LHFPL6: variants seen among roughly 807,000 people sequenced by gnomAD.
LHFPL6 encodes LHFPL tetraspan subfamily member 6.
In LHFPL6, 9 loss-of-function variants were observed where a neutral mutation model predicts 20.6. The ratio of observed to expected loss-of-function variants is 0.44; its 90% confidence interval spans 0.26 to 0.76. The LOEUF (loss-of-function observed/expected upper bound fraction) is 0.76. Ranked by LOEUF, LHFPL6 falls within the 30% of genes least tolerant of loss-of-function variation. The pLI is 0.20. For missense variants in LHFPL6, 218 were observed against 253.5 expected, an observed-to-expected ratio of 0.86 and a Z score of 0.95; for synonymous variants, 105 against 98.7, an observed-to-expected ratio of 1.06 and a Z score of -0.38.
At chr13:39,544,864 T>C (rs1490549023) in intron 2 of LHFPL6, among the ~76,000 whole-genome samples, 1 of 152,044 alleles carries the variant, frequency 6.6e-6, no homozygotes, top group East Asian at 1.9e-4. Flanking sequence ...ATATAAAGGT[T>C]ATTTAATAAA....
chr13:39,347,621 T>G (rs1382761559), intron 3 of LHFPL6, among the ~76,000 whole-genome samples: 1 of 152,128 alleles, frequency 6.6e-6, no homozygotes, highest in Non-Finnish European at 1.5e-5. Context: ...TTAATACAGA[T>G]AGAATAAGCA....
intron 2 of LHFPL6, among the ~76,000 whole-genome samples, chr13:39,453,247 C>A (rs1160580163): frequency 6.6e-6 from 1 of 152,012 alleles, no homozygotes; most frequent in Non-Finnish European, 1.5e-5. Context: ...TGAAAATAAG[C>A]CTAGTTTATT....
At chr13:39,591,675 A>C (rs1047207976) in intron 2 of LHFPL6, among the ~76,000 whole-genome samples, 2 of 152,068 alleles carry the variant, frequency 1.3e-5, no homozygotes, top group African/African-American at 2.4e-5. Flanking sequence ...ACACGTGGGG[A>C]GTTTGTTCAA....
At chr13:39,349,551 A>G (rs192880820) in intron 3 of LHFPL6, among the ~76,000 whole-genome samples, 1 of 152,334 alleles carries the variant, frequency 6.6e-6, no homozygotes, top group Admixed American at 6.5e-5. Flanking sequence ...CTTTGTTGGG[A>G]ATAATATAAT....
chr13:39,494,738 G>C (rs1181125973), intron 2 of LHFPL6, among the ~76,000 whole-genome samples: 1 of 152,076 alleles, frequency 6.6e-6, no homozygotes, highest in Non-Finnish European at 1.5e-5. Context: ...AAGCTCTATA[G>C]TCATTTAAGA....
At chr13:39,455,914 G>A (rs1872559009) in intron 2 of LHFPL6, among the ~76,000 whole-genome samples, 1 of 152,106 alleles carries the variant, frequency 6.6e-6, no homozygotes, top group Non-Finnish European at 1.5e-5. Context: ...TTATGAATAC[G>A]GAAACACATA....
At chr13:39,562,417 C>CATATATACAT (rs57302247) in intron 2 of LHFPL6, among the ~76,000 whole-genome samples, 1 of 57,900 alleles carries the variant, frequency 1.7e-5, no homozygotes, top group African/African-American at 5.2e-5. Context: ...CACATATACA[C>CATATATACAT]ATATACATAT....
At chr13:39,385,069 A>G (rs1870531924) in intron 2 of LHFPL6, among the ~76,000 whole-genome samples, 1 of 152,216 alleles carries the variant, frequency 6.6e-6, no homozygotes, top group African/African-American at 2.4e-5. Flanking sequence ...AGGGGTCATA[A>G]GTCAATCACA....
chr13:39,580,933 A>T (rs978550452), intron 2 of LHFPL6, among the ~76,000 whole-genome samples: 2 of 152,232 alleles, frequency 1.3e-5, no homozygotes, highest in African/African-American at 4.8e-5. Context: ...ATGTGAACAC[A>T]CGAATAAAGG....
chr13:39,345,333 C>T (rs1328422161), intron 3 of LHFPL6, among the ~76,000 whole-genome samples: 1 of 151,474 alleles, frequency 6.6e-6, no homozygotes, highest in Non-Finnish European at 1.5e-5. Context: ...ACCAACATGG[C>T]AAAACCCCGT....
intron 2 of LHFPL6, among the ~76,000 whole-genome samples, chr13:39,411,894 A>G (rs1037725084): frequency 5.9e-5 from 9 of 152,354 alleles, no homozygotes; most frequent in Non-Finnish European, 1.2e-4. Context: ...CTAGCTAAGG[A>G]ATATGGGAGT....
chr13:39,569,652 G>A (rs183516717), intron 2 of LHFPL6, among the ~76,000 whole-genome samples: 57 of 152,286 alleles, frequency 3.7e-4, no homozygotes, highest in Non-Finnish European at 6.6e-4. Context: ...ATTTTTGTAA[G>A]ATATTTGATG....
intron 2 of LHFPL6, among the ~76,000 whole-genome samples, chr13:39,478,129 G>A (rs1455670046): frequency 6.6e-6 from 1 of 152,192 alleles, no homozygotes; most frequent in African/African-American, 2.4e-5. Flanking sequence ...CTTACTGTGT[G>A]CAGCACTGTT....
chr13:39,595,267 GCTCA>G (rs1006787084), intron 2 of LHFPL6, among the ~76,000 whole-genome samples: 2 of 152,058 alleles, frequency 1.3e-5, no homozygotes, highest in Admixed American at 1.3e-4. Flanking sequence ...TCTCACTGGT[GCTCA>G]CTGTCAGCCG....
intron 2 of LHFPL6, among the ~76,000 whole-genome samples, chr13:39,520,282 T>C (rs1451301028): frequency 6.6e-6 from 1 of 151,930 alleles, no homozygotes; most frequent in Non-Finnish European, 1.5e-5. Context: ...ACGCAGCAGG[T>C]CAAGTCAACC....
At chr13:39,596,968 ACT>A (rs760435716) in intron 2 of LHFPL6, among the ~76,000 whole-genome samples, 2 of 152,164 alleles carry the variant, frequency 1.3e-5, no homozygotes, top group Non-Finnish European at 2.9e-5. Context: ...CAGTAAGGAG[ACT>A]CTGAAAAGGC....
chr13:39,477,318 G>A (rs1168664287), intron 2 of LHFPL6, among the ~76,000 whole-genome samples: 1 of 152,178 alleles, frequency 6.6e-6, no homozygotes, highest in Non-Finnish European at 1.5e-5. Flanking sequence ...TTGGCTGATA[G>A]CACTTTATGC....
At chr13:39,584,060 C>G (rs140418732) in intron 2 of LHFPL6, among the ~76,000 whole-genome samples, 156 of 152,246 alleles carry the variant, frequency 1.0e-3, no homozygotes, top group African/African-American at 3.6e-3. Context: ...CATATTTTCT[C>G]TTTCTAATGT....
At chr13:39,472,326 C>T (rs1050253789) in intron 2 of LHFPL6, among the ~76,000 whole-genome samples, 1 of 152,100 alleles carries the variant, frequency 6.6e-6, no homozygotes, top group Admixed American at 6.5e-5. Flanking sequence ...TTACAAGTCG[C>T]ACTTCCATTC....
Sources: allele counts gnomAD v4.1 joint callset (sites outside exome capture counted in the v4.1 genomes callset), GRCh38; gene constraint gnomAD v4.1.1; transcripts MANE v1.5; gene names NCBI Gene and HGNC (gene_info 2026-07-23, HGNC 2026-07-21).